The following SEPTIN14 variants were observed in gnomAD, a reference collection of about 807,000 sequenced individuals.
The protein encoded by SEPTIN14 is septin 14, also known as septin-14.
Under a neutral mutation model 53.6 loss-of-function variants are expected in SEPTIN14, and 40 were observed. The observed-to-expected ratio is 0.75, with a 90% CI of 0.58 to 0.97. The LOEUF is 0.97. SEPTIN14 is among the 50% of genes least tolerant of loss of function. The pLI is 0.00. For missense variants in SEPTIN14, 471 were observed against 508.2 expected (o/e 0.93, Z 0.70); for synonymous variants, 138 against 166.8 (o/e 0.83, Z 1.33).
intron 6 of SEPTIN14, among the ~76,000 whole-genome samples, chr7:55,820,349 C>A (rs1342515174): frequency 6.6e-6 from 1 of 152,080 alleles, no homozygotes; most frequent in African/African-American, 2.4e-5. Context: ...ATTCAGAAAT[C>A]TATTAGTGTT....
At position 55,857,521 on chromosome 7, in the gene SEPTIN14, A is replaced by AGGG. The variant is rs1473475222; in HGVS notation, c.54+4421_54+4422insCCC. ...AGGGAAGGGAAGGGAAGGGAAGGGA[A>AGGG]AGGAAAGGAAAGGAAAGGAAGAGAG... On this transcript the variant is annotated intron_variant, in intron 2 of 9. Coordinates refer to ENST00000388975, the MANE Select transcript of SEPTIN14 (RefSeq NM_207366.3). Among the ~76,000 whole-genome samples, 400 of 103,178 alleles carry AGGG rather than the reference A, an allele frequency of 3.9e-3. 3 individuals are homozygous for AGGG. The highest frequency in any genetic ancestry group is 0.012 in the African/African-American group (298 of 25,218). The allele number at this position is 103,178 out of a possible 152,430, so 67.7% of individuals were successfully genotyped here.
chr7:55,818,472 CA>C (rs61089405), intron 7 of SEPTIN14, among the ~76,000 whole-genome samples: 4,378 of 86,196 alleles, frequency 0.051, 59 homozygotes, highest in South Asian at 0.075. Context: ...AACTCTGTCT[CA>C]AAAAAAAAAA....
intron 5 of SEPTIN14, among the ~76,000 whole-genome samples, chr7:55,836,465 G>A (rs368052465): frequency 1.3e-5 from 2 of 152,134 alleles, no homozygotes; most frequent in Non-Finnish European, 2.9e-5. Context: ...CAGACCGGGC[G>A]CAGTGGCTCA....
chr7:55,828,025 GA>G (rs879449792), intron 6 of SEPTIN14, among the ~76,000 whole-genome samples: 81 of 133,448 alleles, frequency 6.1e-4, no homozygotes, highest in Admixed American at 6.0e-4. Flanking sequence ...GCATCATGAA[GA>G]AAAAAAAAAA....
chr7:55,817,304 T>G (rs1002973124), intron 7 of SEPTIN14, among the ~76,000 whole-genome samples: 2 of 152,064 alleles, frequency 1.3e-5, no homozygotes, highest in African/African-American at 2.4e-5. Flanking sequence ...TTTTAAAAGT[T>G]AAACTTGTAG....
chr7:55,818,126 T>G (rs545794897), intron 7 of SEPTIN14, among the ~76,000 whole-genome samples: 6 of 152,060 alleles, frequency 3.9e-5, no homozygotes, highest in Non-Finnish European at 5.9e-5. Context: ...AAACATTAAG[T>G]TTTAAGTATG....
chr7:55,802,561 T>C (rs1049141714), intron 9 of SEPTIN14, among the ~76,000 whole-genome samples: 2 of 152,022 alleles, frequency 1.3e-5, no homozygotes, highest in Non-Finnish European at 2.9e-5. Flanking sequence ...AAAAAAAAAT[T>C]AGATCTTTAT....
intron 5 of SEPTIN14, among the ~76,000 whole-genome samples, chr7:55,839,930 A>G (rs539983711): frequency 6.6e-6 from 1 of 151,922 alleles, no homozygotes; most frequent in Admixed American, 6.6e-5. Context: ...AGATCACCTG[A>G]GATTAGGAGT....
intron 8 of SEPTIN14, among the ~76,000 whole-genome samples, chr7:55,806,469 C>CTT (rs111518957): frequency 0.013 from 1,927 of 142,746 alleles, 34 homozygotes; most frequent in African/African-American, 0.038. Context: ...CTTTTTTTTT[C>CTT]TTTTTTTTTT....
At position 55,843,090 on chromosome 7, in the gene SEPTIN14, T is replaced by C. The variant is rs531371272; in HGVS notation, c.410A>G (p.Glu137Gly). The change falls in exon 5 of 10, where the codon GAG (glutamate) becomes GGG (glycine). Residue 137 changes from glutamate (E) to glycine (G), a missense_variant. Transcript: ENST00000388975. ...PIVDYIDAQF[E>G]AYLQEELKIK... Reference sequence around the variant, plus strand: ...CTTCAGTTCTTCTTGAAGATAGGCCTCAAATTGGGCATCTATGTAGTCAAC... The same window carrying C: ...CTTCAGTTCTTCTTGAAGATAGGCCCCAAATTGGGCATCTATGTAGTCAAC... 1.3e-5 allele frequency: 21 copies of C among 1,603,950 alleles called. No homozygotes were observed. The Admixed American group carries it at 2.5e-4, about 19-fold the overall frequency.
chr7:55,813,040 C>T (rs1173175098), intron 7 of SEPTIN14, among the ~76,000 whole-genome samples: 2 of 151,910 alleles, frequency 1.3e-5, no homozygotes, highest in South Asian at 2.1e-4. Context: ...ACCTCCACTT[C>T]GCAGGTTCAA....
intron 6 of SEPTIN14, among the ~76,000 whole-genome samples, chr7:55,833,402 A>G (rs1431470444): frequency 2.6e-5 from 4 of 151,966 alleles, no homozygotes; most frequent in Non-Finnish European, 5.9e-5. Context: ...AATAACAAAG[A>G]TTAGAGCATA....
intron 7 of SEPTIN14, among the ~76,000 whole-genome samples, chr7:55,817,446 T>C (rs780193872): frequency 6.6e-6 from 1 of 150,494 alleles, no homozygotes; most frequent in Non-Finnish European, 1.5e-5. Flanking sequence ...AGTGACCATG[T>C]TAATAACAAT....
At chr7:55,847,214 T>A (rs1413830660) in intron 2 of SEPTIN14, among the ~76,000 whole-genome samples, 1 of 151,720 alleles carries the variant, frequency 6.6e-6, no homozygotes. Flanking sequence ...TCTCAAAAAA[T>A]TAATTAATTA....
At chr7:55,808,743 A>G (rs1210281712) in intron 7 of SEPTIN14, among the ~76,000 whole-genome samples, 8 of 151,878 alleles carry the variant, frequency 5.3e-5, no homozygotes, top group African/African-American at 1.7e-4. Flanking sequence ...GTAAAGATGG[A>G]GTTTCACCAT....
At chr7:55,854,840 T>G (rs1789585955) in intron 2 of SEPTIN14, among the ~76,000 whole-genome samples, 1 of 152,166 alleles carries the variant, frequency 6.6e-6, no homozygotes, top group African/African-American at 2.4e-5. Flanking sequence ...CTACAGAGCA[T>G]CTACCAGAAC....
At chr7:55,852,554 CAT>C (rs1789537904) in intron 2 of SEPTIN14, among the ~76,000 whole-genome samples, 1 of 152,092 alleles carries the variant, frequency 6.6e-6, no homozygotes, top group Admixed American at 6.6e-5. Context: ...GAATTAAAGA[CAT>C]AAATCTAAGC....
intron 2 of SEPTIN14, among the ~76,000 whole-genome samples, chr7:55,854,723 C>T (rs1584274836): frequency 1.3e-5 from 2 of 151,958 alleles, no homozygotes; most frequent in South Asian, 2.1e-4. Context: ...CTACCACACC[C>T]GGCCTGTACT....
intron 5 of SEPTIN14, among the ~76,000 whole-genome samples, chr7:55,841,503 C>T (rs1464803459): frequency 6.6e-6 from 1 of 151,566 alleles, no homozygotes; most frequent in Non-Finnish European, 1.5e-5. Context: ...GCAGATCACT[C>T]GAGGTCAGGA....
Sources: allele counts gnomAD v4.1 joint callset (sites outside exome capture counted in the v4.1 genomes callset), GRCh38; gene constraint gnomAD v4.1.1; transcripts MANE v1.5; gene names NCBI Gene and HGNC (gene_info 2026-07-23, HGNC 2026-07-21).